ANO6: variants seen among roughly 807,000 people sequenced by gnomAD.
ANO6 encodes the protein anoctamin 6, also known as anoctamin-6.
A neutral mutation model predicts 117.5 loss-of-function variants in ANO6; 106 were observed. The observed-to-expected ratio is 0.90, with a 90% CI of 0.77 to 1.06. The LOEUF is 1.06. Ranked by LOEUF, ANO6 falls within the 50% of genes least tolerant of loss-of-function variation. The pLI is 0.00. For synonymous variants in ANO6, 367 were observed against 385.1 expected (o/e 0.95, Z 0.55); for missense variants, 955 against 1,121.1 (o/e 0.85, Z 2.12).
At chr12:45,363,479 G>C (rs748115438) in intron 8 of ANO6, among the ~76,000 whole-genome samples, 1 of 151,628 alleles carries the variant, frequency 6.6e-6, no homozygotes, top group East Asian at 1.9e-4. Flanking sequence ...CAGGAGAATC[G>C]CTTGAACCCG....
chr12:45,278,330 T>C (rs1228247717), intron 1 of ANO6, among the ~76,000 whole-genome samples: 1 of 152,210 alleles, frequency 6.6e-6, no homozygotes, highest in Non-Finnish European at 1.5e-5. Flanking sequence ...TGTTCTTTAA[T>C]TCCTAATCCT....
At chr12:45,336,985 T>C (rs1314831238) in intron 3 of ANO6, among the ~76,000 whole-genome samples, 1 of 152,032 alleles carries the variant, frequency 6.6e-6, no homozygotes, top group Non-Finnish European at 1.5e-5. Flanking sequence ...GCCTAGCTAA[T>C]GTGTGTATTT....
intron 10 of ANO6, 22 bp from the exon 11 acceptor site, chr12:45,388,139 A>C: frequency 3.1e-6 from 5 of 1,613,588 alleles, no homozygotes; most frequent in Non-Finnish European, 3.4e-6. Flanking sequence ...AATCCACACA[A>C]GCTCTTCTGT....
At chr12:45,304,712 C>G (rs74083303) in intron 2 of ANO6, among the ~76,000 whole-genome samples, 1 of 152,146 alleles carries the variant, frequency 6.6e-6, no homozygotes, top group Non-Finnish European at 1.5e-5. Flanking sequence ...AGTTCATTTC[C>G]TTCAGAATTT....
At chr12:45,229,789 G>A (rs796234065) in intron 1 of ANO6, among the ~76,000 whole-genome samples, 4 of 152,044 alleles carry the variant, frequency 2.6e-5, no homozygotes, top group African/African-American at 9.7e-5. Flanking sequence ...TTAAGCTTTG[G>A]TTTTAGACAG....
intron 10 of ANO6, among the ~76,000 whole-genome samples, chr12:45,380,703 G>A (rs1467868689): frequency 6.6e-6 from 1 of 152,206 alleles, no homozygotes; most frequent in Non-Finnish European, 1.5e-5. Context: ...GCTGGGTGTG[G>A]TGGCTCACGC....
intron 9 of ANO6, among the ~76,000 whole-genome samples, chr12:45,377,281 A>C (rs982171649): frequency 6.6e-6 from 1 of 152,218 alleles, no homozygotes; most frequent in African/African-American, 2.4e-5. Flanking sequence ...AATGCTCACT[A>C]ATGAAAAATT....
At chr12:45,357,451 A>G (rs1478174172) in intron 8 of ANO6, 27 bp downstream of exon 8, 3 of 1,612,736 alleles carry the variant, frequency 1.9e-6, no homozygotes, top group Admixed American at 1.7e-5. Context: ...CCTTGTTGCC[A>G]TGCTGAAAAG....
In ANO6 at chr12:45,431,631, A is replaced by G; in HGVS notation, c.*2320A>G. 4.1e-6 allele frequency: 4 copies of G among 985,446 alleles called. No individual in the cohort carries two copies. The South Asian group carries it at 1.9e-4, about 46-fold the overall frequency. The allele number at this position is 985,446 out of a possible 1,614,324, so 61.0% of individuals were successfully genotyped here. On this transcript the variant is annotated 3_prime_UTR_variant, in exon 20 of 20. Transcript: ENST00000320560. The stretch of plus-strand genomic sequence containing the variant: ...AAAGTTGTAGTGGAGATGCAGGGTC[A>G]TTTCCCCATGCCATCCACAGTGTTT...
intron 13 of ANO6, among the ~76,000 whole-genome samples, chr12:45,402,403 T>C (rs1430390544): frequency 1.3e-5 from 2 of 151,542 alleles, no homozygotes; most frequent in African/African-American, 4.9e-5. Context: ...ATCACACTGC[T>C]ACGTGTCTTC....
At chr12:45,239,630 T>C (rs1223801752) in intron 1 of ANO6, among the ~76,000 whole-genome samples, 3 of 152,174 alleles carry the variant, frequency 2.0e-5, no homozygotes, top group Non-Finnish European at 2.9e-5. Context: ...TTCTTTTAAT[T>C]GTGATGTTAG....
At chr12:45,294,923 A>G (rs1183565369) in intron 1 of ANO6, among the ~76,000 whole-genome samples, 2 of 152,258 alleles carry the variant, frequency 1.3e-5, no homozygotes, top group African/African-American at 4.8e-5. Context: ...GTGAAAAATT[A>G]TGATAGCCAA....
intron 10 of ANO6, among the ~76,000 whole-genome samples, chr12:45,379,890 A>G (rs35847979): frequency 0.056 from 8,540 of 152,254 alleles, 482 homozygotes; most frequent in East Asian, 0.33. Flanking sequence ...AAGGATATGT[A>G]TGATAAACTT....
chr12:45,399,253 A>G (rs1489552882), intron 12 of ANO6, among the ~76,000 whole-genome samples: 6 of 152,026 alleles, frequency 3.9e-5, no homozygotes, highest in Non-Finnish European at 7.4e-5. Context: ...CTGAAGTGCA[A>G]TGCGTGGTCT....
chr12:45,428,846 TC>T (rs1219049199), intron 19 of ANO6, among the ~76,000 whole-genome samples: 1 of 152,228 alleles, frequency 6.6e-6, no homozygotes, highest in African/African-American at 2.4e-5. Context: ...ATTCATTTTT[TC>T]TTTATCCTTT....
At chr12:45,378,030 T>TATAA in intron 9 of ANO6, 23 bp from the exon 10 acceptor site, 1 of 1,597,576 alleles carries the variant, frequency 6.3e-7, no homozygotes, top group Non-Finnish European at 8.6e-7. Context: ...ATGACTCATT[T>TATAA]ATATGTCATT....
At chr12:45,263,260 G>A (rs901174120) in intron 1 of ANO6, among the ~76,000 whole-genome samples, 4 of 151,874 alleles carry the variant, frequency 2.6e-5, no homozygotes, top group Non-Finnish European at 5.9e-5. Context: ...CACCCAGGCT[G>A]GAGTACAGTG....
At chr12:45,266,437 T>C (rs73275009) in intron 1 of ANO6, among the ~76,000 whole-genome samples, 2,423 of 152,314 alleles carry the variant, frequency 0.016, 61 homozygotes, top group African/African-American at 0.054. Flanking sequence ...GGCACATAAA[T>C]ATGGCATATC....
At chr12:45,292,635 C>T (rs1443077417) in intron 1 of ANO6, 1 of 1,151,812 alleles carries the variant, frequency 8.7e-7, no homozygotes, top group East Asian at 4.9e-5. Context: ...TCCAGCTCTT[C>T]CAAAGGACGC....
Sources: gnomAD v4.1 joint callset for allele counts (sites outside exome capture counted in the v4.1 genomes callset) on GRCh38, gnomAD v4.1.1 for gene constraint, MANE v1.5 for transcripts, NCBI Gene and HGNC (gene_info 2026-07-23, HGNC 2026-07-21) for gene names.